Variants in SCAPER observed in about 807,000 individuals in gnomAD.
SCAPER encodes the protein S phase cyclin A-associated protein in the endoplasmic reticulum.
SCAPER carries 98 observed loss-of-function variants against 182.2 expected under a neutral mutation model. The observed-to-expected ratio is 0.54, with a 90% confidence interval of 0.46 to 0.64. The LOEUF (loss-of-function observed/expected upper bound fraction) is 0.64, where lower values mean the gene tolerates loss of function less well. SCAPER is among the 30% of genes least tolerant of loss of function. SCAPER has a pLI of 0.00. For synonymous variants in SCAPER, 605 were observed against 564.6 expected, an observed-to-expected ratio of 1.07 and a Z score of -1.01; for missense variants, 1,432 against 1,690.0, an observed-to-expected ratio of 0.85 and a Z score of 2.68.
chr15:76,635,444 C>T (rs1006478738), intron 21 of SCAPER, among the ~76,000 whole-genome samples: 1 of 152,074 alleles, frequency 6.6e-6, no homozygotes, highest in Non-Finnish European at 1.5e-5. Context: ...TTTTTTTTTC[C>T]TCATGAATGT....
chr15:76,785,389 C>T (rs1314649044), intron 8 of SCAPER, among the ~76,000 whole-genome samples: 1 of 152,038 alleles, frequency 6.6e-6, no homozygotes, highest in African/African-American at 2.4e-5. Flanking sequence ...CAGATGCTGG[C>T]AAGGACATGG....
At chr15:76,512,057 A>T (rs2042093963) in intron 23 of SCAPER, among the ~76,000 whole-genome samples, 2 of 144,440 alleles carry the variant, frequency 1.4e-5, no homozygotes, top group Admixed American at 1.4e-4. Context: ...TAATTTTTGT[A>T]TTTTTTTTTT....
At chr15:76,650,674 T>C (rs981050196) in intron 21 of SCAPER, among the ~76,000 whole-genome samples, 2 of 152,086 alleles carry the variant, frequency 1.3e-5, no homozygotes, top group Non-Finnish European at 2.9e-5. Context: ...ACTAACCACA[T>C]AGACCTAACT....
At chr15:76,901,742 C>T (rs532902830) in intron 1 of SCAPER, among the ~76,000 whole-genome samples, 7 of 149,850 alleles carry the variant, frequency 4.7e-5, no homozygotes, top group South Asian at 2.1e-4. Flanking sequence ...TTTTTTGAGA[C>T]GGAGTCTCGC....
At chr15:76,881,509 T>G (rs965395524) in intron 2 of SCAPER, among the ~76,000 whole-genome samples, 1 of 152,164 alleles carries the variant, frequency 6.6e-6, no homozygotes, top group Non-Finnish European at 1.5e-5. Flanking sequence ...CAAAACGTAA[T>G]ATATTATTAT....
At chr15:76,491,960 A>C (rs1389438543) in intron 24 of SCAPER, among the ~76,000 whole-genome samples, 2 of 152,148 alleles carry the variant, frequency 1.3e-5, no homozygotes, top group South Asian at 4.1e-4. Flanking sequence ...ATTCTAATTG[A>C]CACGTTGAAG....
At chr15:76,874,449 A>G (rs919663731) in intron 2 of SCAPER, among the ~76,000 whole-genome samples, 3 of 152,168 alleles carry the variant, frequency 2.0e-5, no homozygotes. Context: ...CAAAAAATCA[A>G]TATAATACAA....
At chr15:76,548,840 C>A (rs1019881413) in intron 23 of SCAPER, among the ~76,000 whole-genome samples, 13 of 152,218 alleles carry the variant, frequency 8.5e-5, no homozygotes, top group Middle Eastern at 3.4e-3. Flanking sequence ...ACCATAAAAA[C>A]CCTAGAAGAA....
intron 6 of SCAPER, among the ~76,000 whole-genome samples, chr15:76,803,296 G>A (rs192092033): frequency 1.1e-4 from 17 of 152,122 alleles, no homozygotes; most frequent in South Asian, 2.1e-4. Context: ...GCATTATCTC[G>A]AATTACTCTT....
intron 25 of SCAPER, among the ~76,000 whole-genome samples, chr15:76,461,929 C>A (rs575637810): frequency 6.6e-6 from 1 of 152,270 alleles, no homozygotes; most frequent in African/African-American, 2.4e-5. Context: ...AATAGCAGCT[C>A]AAATCCCAGT....
intron 21 of SCAPER, among the ~76,000 whole-genome samples, chr15:76,623,858 C>A (rs548310439): frequency 6.8e-6 from 1 of 147,864 alleles, no homozygotes; most frequent in South Asian, 2.1e-4. Context: ...ATCCAACATC[C>A]CTTCATGATA....
chr15:76,899,313 C>T (rs35157989), intron 1 of SCAPER, among the ~76,000 whole-genome samples: 58,074 of 152,026 alleles, frequency 0.38, 13,106 homozygotes, highest in Middle Eastern at 0.53. Flanking sequence ...TCCAGGCACG[C>T]GCCGCCACTC....
chr15:76,582,534 A>G (rs2048340673), intron 22 of SCAPER, among the ~76,000 whole-genome samples: 1 of 152,240 alleles, frequency 6.6e-6, no homozygotes, highest in Non-Finnish European at 1.5e-5. Flanking sequence ...CTACAGTTTC[A>G]ATGCAATCTA....
chr15:76,694,010 T>C (rs1234884480), intron 20 of SCAPER, among the ~76,000 whole-genome samples: 2 of 152,104 alleles, frequency 1.3e-5, no homozygotes, highest in Non-Finnish European at 2.9e-5. Flanking sequence ...TATTTTACTT[T>C]GAAATCAGGA....
At chr15:76,692,599 G>A (rs1034964825) in intron 20 of SCAPER, among the ~76,000 whole-genome samples, 5 of 148,452 alleles carry the variant, frequency 3.4e-5, no homozygotes, top group Non-Finnish European at 5.9e-5. Flanking sequence ...TAAGGCATGA[G>A]AATCACTTGA....
chr15:76,684,049 T>C (rs2057890301), intron 20 of SCAPER, among the ~76,000 whole-genome samples: 1 of 152,122 alleles, frequency 6.6e-6, no homozygotes, highest in Non-Finnish European at 1.5e-5. Flanking sequence ...ACCTGCCTTA[T>C]AAGAGGTCCT....
At chr15:76,781,650 T>C (rs1294657986) in intron 8 of SCAPER, among the ~76,000 whole-genome samples, 2 of 152,122 alleles carry the variant, frequency 1.3e-5, no homozygotes, top group Admixed American at 6.5e-5. Flanking sequence ...AAAGGTAGGG[T>C]TACCCACAAA....
At chr15:76,381,313 A>C (rs769370530) in intron 28 of SCAPER, 65 bp downstream of exon 28, 6 of 1,342,188 alleles carry the variant, frequency 4.5e-6, no homozygotes, top group Non-Finnish European at 6.3e-6. Context: ...AGAATCTGAC[A>C]TCCTATCTAC....
At chr15:76,514,452 A>G (rs2042271546) in intron 23 of SCAPER, among the ~76,000 whole-genome samples, 1 of 152,222 alleles carries the variant, frequency 6.6e-6, no homozygotes, top group African/African-American at 2.4e-5. Flanking sequence ...AGTAACTGTT[A>G]TTACCTCTCC....
Sources: gnomAD v4.1 joint callset for allele counts (sites outside exome capture counted in the v4.1 genomes callset) on GRCh38, gnomAD v4.1.1 for gene constraint, MANE v1.5 for transcripts, NCBI Gene and HGNC (gene_info 2026-07-23, HGNC 2026-07-21) for gene names.